Variants in MEGF9 observed in about 807,000 individuals in gnomAD.
The protein encoded by MEGF9 is multiple epidermal growth factor-like domains protein 9.
A neutral mutation model predicts 46.8 loss-of-function variants in MEGF9; 6 were observed. The ratio of observed to expected loss-of-function variants is 0.13; its 90% CI spans 0.07 to 0.25. The LOEUF (loss-of-function observed/expected upper bound fraction) is 0.25. Ranked by LOEUF, MEGF9 falls within the 10% of genes least tolerant of loss-of-function variation. The pLI, the probability that MEGF9 is intolerant of heterozygous loss-of-function variation, is 1.00. For synonymous variants in MEGF9, 302 were observed against 330.7 expected (o/e 0.91, Z 0.94); for missense variants, 683 against 792.4 (o/e 0.86, Z 1.66).
At chr9:120,628,465 GTTGTTTTTTTTTT>G (rs1213219160) in intron 2 of MEGF9, among the ~76,000 whole-genome samples, 26 of 52,798 alleles carry the variant, frequency 4.9e-4, no homozygotes, top group Admixed American at 2.4e-3. Context: ...AATTCTTGTC[GTTGTTTTTTTTTT>G]TTTTTTTTTT....
intron 1 of MEGF9, among the ~76,000 whole-genome samples, chr9:120,711,283 C>T (rs1319501891): frequency 6.6e-6 from 1 of 152,100 alleles, no homozygotes; most frequent in Non-Finnish European, 1.5e-5. Context: ...CATTCTTACC[C>T]TGGAAAATGC....
chr9:120,647,609 G>A (rs1000177129), intron 2 of MEGF9, among the ~76,000 whole-genome samples: 9 of 152,104 alleles, frequency 5.9e-5, no homozygotes, highest in Non-Finnish European at 2.9e-5. Flanking sequence ...AGGAATAATT[G>A]GGGTACAGAG....
At chr9:120,632,680 A>G (rs2043555976) in intron 2 of MEGF9, among the ~76,000 whole-genome samples, 1 of 152,120 alleles carries the variant, frequency 6.6e-6, no homozygotes, top group African/African-American at 2.4e-5. Context: ...TCCAGTTCTT[A>G]GGGGAAAGGC....
chr9:120,663,853 C>G (rs1488344241), intron 1 of MEGF9, among the ~76,000 whole-genome samples: 1 of 152,140 alleles, frequency 6.6e-6, no homozygotes, highest in East Asian at 1.9e-4. Context: ...TCACAGAGAG[C>G]AAAATCTTGG....
At chr9:120,637,487 TAA>T (rs1160112596) in intron 2 of MEGF9, among the ~76,000 whole-genome samples, 10 of 142,720 alleles carry the variant, frequency 7.0e-5, no homozygotes, top group African/African-American at 1.3e-4. Context: ...TATTCTGCTT[TAA>T]AAAAAAAAAA....
chr9:120,611,139 G>A (rs1025237373), intron 4 of MEGF9, among the ~76,000 whole-genome samples: 3 of 152,142 alleles, frequency 2.0e-5, no homozygotes, highest in Non-Finnish European at 4.4e-5. Flanking sequence ...TACAGGGTTG[G>A]TGAGAATGAG....
At chr9:120,612,325 A>G in intron 4 of MEGF9, 71 bp downstream of exon 4, 9 of 1,436,860 alleles carry the variant, frequency 6.3e-6, no homozygotes, top group Non-Finnish European at 8.4e-6. Flanking sequence ...TTTATTCATC[A>G]ATGCAACTTA....
chr9:120,669,754 T>TA (rs1304002921), intron 1 of MEGF9, among the ~76,000 whole-genome samples: 6 of 152,156 alleles, frequency 3.9e-5, no homozygotes, highest in African/African-American at 1.4e-4. Flanking sequence ...TGAAATGAGA[T>TA]AAAAATGTGA....
At chr9:120,643,784 T>G (rs1194014632) in intron 2 of MEGF9, among the ~76,000 whole-genome samples, 1 of 151,674 alleles carries the variant, frequency 6.6e-6, no homozygotes, top group Non-Finnish European at 1.5e-5. Context: ...AGCCTTGACC[T>G]CCTGGGCTCA....
At chr9:120,710,513 T>C (rs2043948475) in intron 1 of MEGF9, among the ~76,000 whole-genome samples, 1 of 151,770 alleles carries the variant, frequency 6.6e-6, no homozygotes, top group Non-Finnish European at 1.5e-5. Context: ...GCCTGCTTGC[T>C]GGGCAATTAG....
chr9:120,662,534 C>T (rs1007115956), intron 1 of MEGF9, among the ~76,000 whole-genome samples: 3 of 152,156 alleles, frequency 2.0e-5, no homozygotes, highest in Non-Finnish European at 2.9e-5. Flanking sequence ...AGATTAAATC[C>T]GGCTCTCTCA....
At chr9:120,665,568 G>A (rs140971536) in intron 1 of MEGF9, among the ~76,000 whole-genome samples, 3 of 152,042 alleles carry the variant, frequency 2.0e-5, no homozygotes, top group Non-Finnish European at 4.4e-5. Flanking sequence ...GTAAGAACAT[G>A]CAGTATTTAT....
At chr9:120,685,068 T>C (rs1428340924) in intron 1 of MEGF9, among the ~76,000 whole-genome samples, 1 of 152,172 alleles carries the variant, frequency 6.6e-6, no homozygotes, top group Non-Finnish European at 1.5e-5. Context: ...TCTCCTGACC[T>C]TGTGATCCAC....
chr9:120,622,864 T>TA, intron 2 of MEGF9, 109 bp from the exon 3 acceptor site: 2 of 1,058,716 alleles, frequency 1.9e-6, no homozygotes, highest in Non-Finnish European at 2.7e-6. Flanking sequence ...CATATATACT[T>TA]ACCATATCTC....
At chr9:120,687,899 C>T (rs558232571) in intron 1 of MEGF9, among the ~76,000 whole-genome samples, 24 of 151,964 alleles carry the variant, frequency 1.6e-4, no homozygotes, top group African/African-American at 4.8e-4. Flanking sequence ...AGCTGGGAGG[C>T]AGGTATACAG....
At chr9:120,699,656 G>A (rs183949615) in intron 1 of MEGF9, among the ~76,000 whole-genome samples, 5 of 149,034 alleles carry the variant, frequency 3.4e-5, no homozygotes, top group African/African-American at 5.0e-5. Flanking sequence ...CCAGGAGTTC[G>A]AGGCTGCAGT....
chr9:120,691,457 C>A, intron 1 of MEGF9: 2 of 482,264 alleles, frequency 4.1e-6, no homozygotes, highest in Non-Finnish European at 8.5e-6. Context: ...GGCATCTTTG[C>A]CACAGGCCAC....
chr9:120,650,136 G>A (rs1415195279), intron 2 of MEGF9, among the ~76,000 whole-genome samples: 1 of 152,192 alleles, frequency 6.6e-6, no homozygotes, highest in Non-Finnish European at 1.5e-5. Flanking sequence ...GGGCGTGGTG[G>A]CGGGTGCCCG....
chr9:120,631,696 G>T (rs1369548917), intron 2 of MEGF9, among the ~76,000 whole-genome samples: 2 of 151,996 alleles, frequency 1.3e-5, no homozygotes, highest in Non-Finnish European at 2.9e-5. Flanking sequence ...TGTTGGCCAG[G>T]CTGGTCTTGA....
Sources: allele counts gnomAD v4.1 joint callset (sites outside exome capture counted in the v4.1 genomes callset), GRCh38; gene constraint gnomAD v4.1.1; transcripts MANE v1.5; gene names NCBI Gene and HGNC (gene_info 2026-07-23, HGNC 2026-07-21).